UBE2E1: variants seen among roughly 807,000 people sequenced by gnomAD.
The protein encoded by UBE2E1 is ubiquitin-conjugating enzyme E2 E1.
In UBE2E1, 6 loss-of-function variants were observed where a neutral mutation model predicts 21.4. The ratio of observed to expected loss-of-function variants is 0.28; its 90% CI spans 0.15 to 0.55. UBE2E1 has a LOEUF of 0.55. Ranked by LOEUF, UBE2E1 falls within the 20% of genes least tolerant of loss-of-function variation. The probability of loss-of-function intolerance (pLI) is 0.93; values close to 1 mark genes in which losing one functional copy is unlikely to be tolerated. For synonymous variants in UBE2E1, 87 were observed against 82.7 expected (o/e 1.05, Z -0.28); for missense variants, 142 against 236.5 (o/e 0.60, Z 2.62).
At chr3:23,880,526 T>C (rs1043651572) in intron 3 of UBE2E1, among the ~76,000 whole-genome samples, 1 of 152,230 alleles carries the variant, frequency 6.6e-6, no homozygotes, top group Non-Finnish European at 1.5e-5. Context: ...GAGATCACAT[T>C]GTGCTCCAGC....
chr3:23,844,358 C>G (rs547312162), intron 3 of UBE2E1, among the ~76,000 whole-genome samples: 2 of 152,252 alleles, frequency 1.3e-5, no homozygotes, highest in South Asian at 4.1e-4. Context: ...TTCTTTCTTA[C>G]ATTTTTCTAA....
In UBE2E1 at chr3:23,891,315, C is replaced by G. The variant is rs1024711360; in HGVS notation, c.*709C>G. The G allele has an allele frequency of 1.3e-5, 2 of 152,196 alleles. No homozygotes were observed. Among genetic ancestry groups the G allele is most frequent in the Non-Finnish European group, 2.9e-5 (2 of 68,032 alleles). 9.4% of individuals were successfully genotyped at this position (152,196 alleles called of 1,614,324 possible). A position where few individuals can be genotyped will look rare whatever the true frequency, so the allele number is the denominator to read the frequency against. On this transcript the variant is annotated 3_prime_UTR_variant, in exon 6 of 6. Coordinates refer to ENST00000306627, the MANE Select transcript of UBE2E1 (RefSeq NM_003341.5). Reference sequence around the variant, plus strand: ...ACAATATTAAAAACCACCTAATAAACACTGCTGTGTTCATTTACTTTTCTT... The same window carrying G: ...ACAATATTAAAAACCACCTAATAAAGACTGCTGTGTTCATTTACTTTTCTT...
intron 3 of UBE2E1, among the ~76,000 whole-genome samples, chr3:23,817,177 T>G (rs1414526041): frequency 6.6e-6 from 1 of 152,196 alleles, no homozygotes; most frequent in Non-Finnish European, 1.5e-5. Context: ...GCATGGTGGC[T>G]CACGCCTGTA....
intron 3 of UBE2E1, among the ~76,000 whole-genome samples, chr3:23,843,157 C>T (rs1315986579): frequency 2.0e-5 from 3 of 151,080 alleles, no homozygotes; most frequent in African/African-American, 7.3e-5. Context: ...AGCCATCTGT[C>T]CCCCCAGACT....
intron 3 of UBE2E1, among the ~76,000 whole-genome samples, chr3:23,861,128 G>GTA (rs1181578650): frequency 7.9e-5 from 12 of 152,176 alleles, no homozygotes; most frequent in African/African-American, 2.9e-4. Context: ...CATCTTATTT[G>GTA]TATATGTGTT....
At chr3:23,841,580 C>A (rs1700088080) in intron 3 of UBE2E1, among the ~76,000 whole-genome samples, 1 of 152,132 alleles carries the variant, frequency 6.6e-6, no homozygotes, top group Admixed American at 6.5e-5. Context: ...GTTGGATTTG[C>A]AGATAAAATG....
At chr3:23,854,981 G>A (rs1700404541) in intron 3 of UBE2E1, among the ~76,000 whole-genome samples, 1 of 152,206 alleles carries the variant, frequency 6.6e-6, no homozygotes, top group Non-Finnish European at 1.5e-5. Flanking sequence ...ATTCTCAAGT[G>A]TAATTTTTTA....
intron 3 of UBE2E1, among the ~76,000 whole-genome samples, chr3:23,872,310 C>G (rs576773194): frequency 6.7e-6 from 1 of 149,930 alleles, no homozygotes; most frequent in East Asian, 2.0e-4. Flanking sequence ...TGCAGTGAGC[C>G]GAGATGGCAG....
intron 3 of UBE2E1, among the ~76,000 whole-genome samples, chr3:23,874,537 T>C (rs1367398932): frequency 6.6e-6 from 1 of 152,188 alleles, no homozygotes; most frequent in Admixed American, 6.5e-5. Context: ...CTGAAGAATC[T>C]GGACTCCACC....
rs1553637704 is a variant in UBE2E1, at chr3:23,842,198, G to GGGGTGTGTGTGTGTGTGT, written c.203+30689_203+30690insGGTGTGTGTGTGTGTGTG. Among the ~76,000 whole-genome samples the GGGGTGTGTGTGTGTGTGT allele has an allele frequency of 1.7e-4, 18 of 104,354 alleles. 1 individual carries two copies. The South Asian group carries it at 2.1e-3, about 12-fold the overall frequency. 68.5% of individuals were successfully genotyped at this position (104,354 alleles called of 152,430 possible). A position where few individuals can be genotyped will look rare whatever the true frequency, so the allele number is the denominator to read the frequency against. ...TATGTCATGACCCAGTAAGTGAAGG[G>GGGGTGTGTGTGTGTGTGT]GTGTGTGTGTGTGTGTGTGTGTGTG... is the stretch of plus-strand genomic sequence containing the variant. On this transcript the variant is annotated intron_variant, in intron 3 of 5. Transcript: ENST00000306627. The surrounding 1 kb of genome is among the most constrained non-coding windows in gnomAD (Gnocchi z 4.6).
chr3:23,871,715 T>C (rs1295852502), intron 3 of UBE2E1, among the ~76,000 whole-genome samples: 4 of 126,748 alleles, frequency 3.2e-5, no homozygotes, highest in Non-Finnish European at 5.0e-5. Context: ...CGGGTAGAGG[T>C]GCTCCTCACA....
intron 3 of UBE2E1, among the ~76,000 whole-genome samples, chr3:23,885,563 T>C (rs1001600853): frequency 1.1e-4 from 17 of 152,090 alleles, no homozygotes; most frequent in African/African-American, 4.1e-4. Context: ...GTGTAGACAA[T>C]GTTTAAAAAA....
chr3:23,862,723 C>A (rs9859567), intron 3 of UBE2E1, among the ~76,000 whole-genome samples: 19,725 of 151,936 alleles, frequency 0.13, 1,719 homozygotes, highest in African/African-American at 0.23. Context: ...TCCGTCTTAT[C>A]TTTCTTATTA....
chr3:23,818,282 G>A (rs1411475043), intron 3 of UBE2E1, among the ~76,000 whole-genome samples: 1 of 152,196 alleles, frequency 6.6e-6, no homozygotes, highest in East Asian at 1.9e-4. Context: ...CTGCCACTTA[G>A]TAGGTCCTCA....
Position 23,887,802 on chromosome 3 carries a change from T to G in UBE2E1, c.336+103T>G. ...TTTAATCACAGAAACTAGATTTATC[T>G]TATGTCCTAATAGATCTGAGTATTT... is the stretch of plus-strand genomic sequence containing the variant. On this transcript the variant is annotated intron_variant, in intron 4 of 5. Coordinates refer to ENST00000306627, the MANE Select transcript of UBE2E1 (RefSeq NM_003341.5). The surrounding 1 kb of genome is among the most constrained non-coding windows in gnomAD (Gnocchi z 4.4). 7.0e-7 allele frequency: 1 copy of G among 1,423,500 alleles called. No homozygotes were observed. The highest frequency in any genetic ancestry group is 1.4e-5 in the African/African-American group (1 of 69,322). The allele number at this position is 1,423,500 out of a possible 1,614,324, so 88.2% of individuals were successfully genotyped here.
intron 3 of UBE2E1, among the ~76,000 whole-genome samples, chr3:23,841,925 ATTC>A (rs1247681125): frequency 6.6e-6 from 1 of 152,112 alleles, no homozygotes; most frequent in African/African-American, 2.4e-5. Flanking sequence ...AGATGAAGGT[ATTC>A]TAGGTGAGTG....
intron 3 of UBE2E1, among the ~76,000 whole-genome samples, chr3:23,860,264 C>T (rs1295460471): frequency 6.6e-6 from 1 of 152,212 alleles, no homozygotes; most frequent in Non-Finnish European, 1.5e-5. Context: ...GCTGCCACTA[C>T]TGCTCCTTTG....
chr3:23,819,563 A>G (rs915343360), intron 3 of UBE2E1, among the ~76,000 whole-genome samples: 1 of 152,234 alleles, frequency 6.6e-6, no homozygotes, highest in Non-Finnish European at 1.5e-5. Flanking sequence ...CCTCGAGAGT[A>G]GGGATTATTA....
chr3:23,837,525 C>G (rs1342497714), intron 3 of UBE2E1, among the ~76,000 whole-genome samples: 1 of 152,328 alleles, frequency 6.6e-6, no homozygotes, highest in East Asian at 1.9e-4. Flanking sequence ...GGACTGTTGC[C>G]TGCACCATCC....
Sources: gnomAD v4.1 joint callset for allele counts (sites outside exome capture counted in the v4.1 genomes callset) on GRCh38, gnomAD v4.1.1 for gene constraint, Gnocchi (gnomAD v3.1) non-coding constraint, MANE v1.5 for transcripts, NCBI Gene and HGNC (gene_info 2026-07-23, HGNC 2026-07-21) for gene names.